The following GNG12 variants were observed in gnomAD, a reference collection of about 807,000 sequenced individuals.
GNG12 encodes the protein G protein subunit gamma 12, also known as guanine nucleotide-binding protein G(I)/G(S)/G(O) subunit gamma-12.
For missense variants in GNG12, 69 were observed against 83.8 expected, an observed-to-expected ratio of 0.82 and a Z score of 0.69; for synonymous variants, 28 against 29.7, an observed-to-expected ratio of 0.94 and a Z score of 0.19.
intron 2 of GNG12, among the ~76,000 whole-genome samples, chr1:67,717,372 C>T (rs1055274991): frequency 5.3e-5 from 8 of 152,002 alleles, no homozygotes; most frequent in South Asian, 2.1e-4. Context: ...AAAAATCAGC[C>T]GGGCGTGGTG....
At chr1:67,773,785 C>T (rs774209993) in intron 2 of GNG12, among the ~76,000 whole-genome samples, 4 of 152,144 alleles carry the variant, frequency 2.6e-5, no homozygotes, top group Non-Finnish European at 2.9e-5. Flanking sequence ...CTCGCGTGCC[C>T]AATCTGGTCC....
At chr1:67,730,433 A>C (rs1013387524) in intron 2 of GNG12, among the ~76,000 whole-genome samples, 3 of 152,168 alleles carry the variant, frequency 2.0e-5, no homozygotes, top group African/African-American at 7.2e-5. Context: ...ACCCAGGAGG[A>C]GGCGGAGGTT....
At chr1:67,768,510 T>C (rs1321510851) in intron 2 of GNG12, among the ~76,000 whole-genome samples, 1 of 152,230 alleles carries the variant, frequency 6.6e-6, no homozygotes, top group Non-Finnish European at 1.5e-5. Context: ...TTCCAAGGCT[T>C]TAAAGGTTTT....
intron 1 of GNG12, among the ~76,000 whole-genome samples, chr1:67,815,251 T>C (rs1225626000): frequency 6.6e-6 from 1 of 152,224 alleles, no homozygotes; most frequent in African/African-American, 2.4e-5. Flanking sequence ...CAATTTTTCC[T>C]TCACTTATAT....
intron 1 of GNG12, among the ~76,000 whole-genome samples, chr1:67,807,121 C>A (rs1646898263): frequency 1.3e-5 from 2 of 152,056 alleles, no homozygotes; most frequent in South Asian, 2.1e-4. Flanking sequence ...AGCTAGAATT[C>A]AATAACAGAA....
At chr1:67,805,712 G>A (rs980212031) in intron 1 of GNG12, among the ~76,000 whole-genome samples, 28 of 151,752 alleles carry the variant, frequency 1.8e-4, no homozygotes, top group Non-Finnish European at 2.9e-4. Flanking sequence ...AGAAAAATAA[G>A]GACAGAAGAA....
At chr1:67,749,613 G>C (rs762354836) in intron 2 of GNG12, among the ~76,000 whole-genome samples, 9 of 152,192 alleles carry the variant, frequency 5.9e-5, no homozygotes, top group Non-Finnish European at 8.8e-5. Context: ...ACGTCTCAGA[G>C]GCAGCCTGCA....
At chr1:67,716,386 A>C (rs1570480623) in intron 2 of GNG12, among the ~76,000 whole-genome samples, 1 of 152,246 alleles carries the variant, frequency 6.6e-6, no homozygotes, top group Admixed American at 6.5e-5. Context: ...AAAGATAATA[A>C]GTTATAATGA....
intron 1 of GNG12, among the ~76,000 whole-genome samples, chr1:67,784,066 C>T (rs1176399753): frequency 6.7e-6 from 1 of 149,802 alleles, no homozygotes; most frequent in Admixed American, 6.7e-5. Context: ...GGAACCAACC[C>T]AAATGTCCAA....
chr1:67,811,781 G>C (rs1455428321), intron 1 of GNG12, among the ~76,000 whole-genome samples: 1 of 150,610 alleles, frequency 6.6e-6, no homozygotes, highest in Non-Finnish European at 1.5e-5. Flanking sequence ...CTCCTGAAGA[G>C]AGCTGAGGCT....
intron 2 of GNG12, among the ~76,000 whole-genome samples, chr1:67,715,066 C>G (rs1237862881): frequency 6.6e-6 from 1 of 152,090 alleles, no homozygotes; most frequent in Non-Finnish European, 1.5e-5. Context: ...TTACAGGCAC[C>G]CGCCACCACA....
At chr1:67,800,152 G>T (rs1646856438) in intron 1 of GNG12, among the ~76,000 whole-genome samples, 1 of 152,162 alleles carries the variant, frequency 6.6e-6, no homozygotes. Flanking sequence ...CCCATGCAGA[G>T]TTTTTAACAT....
intron 2 of GNG12, among the ~76,000 whole-genome samples, chr1:67,726,593 C>T (rs1359134770): frequency 6.6e-6 from 1 of 152,110 alleles, no homozygotes; most frequent in Non-Finnish European, 1.5e-5. Flanking sequence ...GAGATGATGT[C>T]ACATTACAAA....
intron 1 of GNG12, among the ~76,000 whole-genome samples, chr1:67,799,909 T>A (rs1053049600): frequency 1.3e-5 from 2 of 152,204 alleles, no homozygotes; most frequent in Non-Finnish European, 2.9e-5. Flanking sequence ...TTTCTGCTTC[T>A]AAATCCAATT....
intron 1 of GNG12, among the ~76,000 whole-genome samples, chr1:67,821,975 T>C (rs1054969325): frequency 6.6e-6 from 1 of 151,342 alleles, no homozygotes; most frequent in African/African-American, 2.4e-5. Flanking sequence ...AAACCAGGGG[T>C]GTCCAATCTT....
chr1:67,770,345 G>T (rs185031959), intron 2 of GNG12, among the ~76,000 whole-genome samples: 2 of 152,302 alleles, frequency 1.3e-5, no homozygotes, highest in East Asian at 3.9e-4. Context: ...AGCTGTATGT[G>T]GTGAGTTTGA....
intron 1 of GNG12, among the ~76,000 whole-genome samples, chr1:67,796,484 T>G (rs1040870253): frequency 6.6e-6 from 1 of 152,152 alleles, no homozygotes; most frequent in African/African-American, 2.4e-5. Flanking sequence ...TACTACATAC[T>G]AGGTATGTCT....
At chr1:67,718,423 G>A (rs1646338870) in intron 2 of GNG12, among the ~76,000 whole-genome samples, 1 of 151,832 alleles carries the variant, frequency 6.6e-6, no homozygotes, top group East Asian at 1.9e-4. Context: ...TGTAATCATT[G>A]TAAATATTAT....
rs1171590638 is a variant in GNG12 at position 67,702,335 on chromosome 1, T to C, written c.*3116A>G. 1.3e-5 allele frequency: 2 copies of C among 152,206 alleles called. No homozygotes were observed. Among genetic ancestry groups the C allele is most frequent in the Admixed American group, 6.5e-5 (1 of 15,272 alleles). 9.4% of individuals were successfully genotyped at this position (152,206 alleles called of 1,614,324 possible). ...ATCTTACATCAAAATTCAGAGGAAT[T>C]AGTCAGATAACACTATTTTAGTTAT... is the stretch of plus-strand genomic sequence containing the variant. On this transcript the variant is annotated 3_prime_UTR_variant, in exon 4 of 4. Transcript: ENST00000370982.
Sources: gnomAD v4.1 joint callset for allele counts (sites outside exome capture counted in the v4.1 genomes callset) on GRCh38, gnomAD v4.1.1 for gene constraint, MANE v1.5 for transcripts, NCBI Gene and HGNC (gene_info 2026-07-23, HGNC 2026-07-21) for gene names.